Variants in PGGT1B observed in about 807,000 individuals in gnomAD.
PGGT1B encodes protein geranylgeranyltransferase type I subunit beta.
PGGT1B carries 30 observed loss-of-function variants against 46.1 expected under a neutral mutation model. The observed-to-expected ratio is 0.65, with a 90% CI of 0.49 to 0.88. The LOEUF is 0.88. Among genes scored for constraint, PGGT1B ranks in the 40% least tolerant of loss-of-function variants. The probability of loss-of-function intolerance (pLI) is 0.00; values close to 1 mark genes in which losing one functional copy is unlikely to be tolerated. For missense variants in PGGT1B, 376 were observed against 455.9 expected, an observed-to-expected ratio of 0.82 and a Z score of 1.60; for synonymous variants, 170 against 160.0, an observed-to-expected ratio of 1.06 and a Z score of -0.47.
chr5:115,242,552 TC>T (rs903711502), intron 2 of PGGT1B, among the ~76,000 whole-genome samples: 5 of 152,136 alleles, frequency 3.3e-5, no homozygotes, highest in Non-Finnish European at 7.3e-5. Flanking sequence ...CAGCTTCTTA[TC>T]CCCCCAAAAA....
chr5:115,225,723 G>C (rs1161414606), intron 6 of PGGT1B, among the ~76,000 whole-genome samples: 6 of 150,006 alleles, frequency 4.0e-5, no homozygotes, highest in Admixed American at 6.7e-5. Context: ...TCGGCTCACT[G>C]CAACCTCCGC....
Position 115,262,869 on chromosome 5 carries a change from G to T in PGGT1B, c.-18C>A. ...GCCGCCATGCTGCTCCGGAAGCGAC[G>T]TCCGCCGCGACCCGGAATCAGTGCC... On this transcript the variant is annotated 5_prime_UTR_variant, in exon 1 of 9. Coordinates refer to ENST00000419445, the MANE Select transcript of PGGT1B (RefSeq NM_005023.4). The T allele has an allele frequency of 6.2e-7, 1 of 1,610,836 alleles. No individual in the cohort carries two copies. The highest frequency in any genetic ancestry group is 8.5e-7 in the Non-Finnish European group (1 of 1,179,202).
At chr5:115,224,046 T>TAA (rs1233766735) in intron 6 of PGGT1B, among the ~76,000 whole-genome samples, 3 of 152,176 alleles carry the variant, frequency 2.0e-5, no homozygotes, top group Admixed American at 6.5e-5. Context: ...TACTGTCAGT[T>TAA]AAGAACTATT....
At chr5:115,219,917 A>G (rs750417170) in intron 7 of PGGT1B, among the ~76,000 whole-genome samples, 4 of 151,834 alleles carry the variant, frequency 2.6e-5, no homozygotes, top group Non-Finnish European at 5.9e-5. Flanking sequence ...TTATATTAAT[A>G]TATATACATA....
chr5:115,227,165 A>G (rs557049100), intron 6 of PGGT1B, among the ~76,000 whole-genome samples: 1 of 152,284 alleles, frequency 6.6e-6, no homozygotes, highest in East Asian at 1.9e-4. Flanking sequence ...ATTACTGAGC[A>G]AGCACAGGGT....
In PGGT1B at chr5:115,206,927, G is replaced by A. The variant is rs985230989; in HGVS notation, c.*5475C>T. 3 of 151,432 alleles carry A rather than the reference G, an allele frequency of 2.0e-5. No individual in the cohort carries two copies. The highest frequency in any genetic ancestry group is 7.3e-5 in the African/African-American group (3 of 41,274). 9.4% of individuals were successfully genotyped at this position (151,432 alleles called of 1,614,324 possible). A position where few individuals can be genotyped will look rare whatever the true frequency, so the allele number is the denominator to read the frequency against. On this transcript the variant is annotated 3_prime_UTR_variant, in exon 9 of 9. Transcript: ENST00000419445. ...CTCAAATAACAATATAATTTTTATT[G>A]GAATGGCACTGAATTTATAAATGAA...
At chr5:115,258,345 ATC>A (rs963130336) in intron 1 of PGGT1B, among the ~76,000 whole-genome samples, 1 of 152,134 alleles carries the variant, frequency 6.6e-6, no homozygotes, top group African/African-American at 2.4e-5. Flanking sequence ...CTGCCTCAGC[ATC>A]TCTCTCCTGG....
At chr5:115,262,656 C>A in intron 1 of PGGT1B, 56 bp downstream of exon 1, 1 of 1,548,482 alleles carries the variant, frequency 6.5e-7, no homozygotes, top group Non-Finnish European at 8.7e-7. Context: ...CTCCGCCGCG[C>A]CTTTCCGCTG....
At chr5:115,225,958 A>C (rs1387592348) in intron 6 of PGGT1B, among the ~76,000 whole-genome samples, 1 of 151,810 alleles carries the variant, frequency 6.6e-6, no homozygotes, top group Non-Finnish European at 1.5e-5. Flanking sequence ...AAGTGAAGTA[A>C]ATTCAAGGGA....
chr5:115,230,676 G>A (rs187456025), intron 6 of PGGT1B, among the ~76,000 whole-genome samples: 1 of 152,062 alleles, frequency 6.6e-6, no homozygotes, highest in African/African-American at 2.4e-5. Flanking sequence ...AAAACCTGTT[G>A]TTTTCTAATG....
Position 115,210,006 on chromosome 5 carries a change from C to T in PGGT1B, c.*2396G>A, listed in dbSNP as rs898686627. ...GTCCAACAGTTTTCAAATTATATACCACTGTCAGCAAGATTTCTATATGAA... is the reference window on the plus strand; with the variant it reads ...GTCCAACAGTTTTCAAATTATATACTACTGTCAGCAAGATTTCTATATGAA... On this transcript the variant is annotated 3_prime_UTR_variant, in exon 9 of 9. Coordinates refer to ENST00000419445, the MANE Select transcript of PGGT1B (RefSeq NM_005023.4). 2.0e-5 allele frequency: 3 copies of T among 151,922 alleles called. No individual in the cohort carries two copies. Among genetic ancestry groups the T allele is most frequent in the Non-Finnish European group, 4.4e-5 (3 of 67,964 alleles). 9.4% of individuals were successfully genotyped at this position (151,922 alleles called of 1,614,324 possible). A position where few individuals can be genotyped will look rare whatever the true frequency, so the allele number is the denominator to read the frequency against.
chr5:115,245,571 G>A (rs1271146148), intron 2 of PGGT1B, among the ~76,000 whole-genome samples: 2 of 152,160 alleles, frequency 1.3e-5, no homozygotes, highest in Non-Finnish European at 2.9e-5. Flanking sequence ...TAAAGGACAT[G>A]TTTAGATTGT....
At chr5:115,235,636 T>C (rs1487580184) in intron 5 of PGGT1B, among the ~76,000 whole-genome samples, 1 of 152,082 alleles carries the variant, frequency 6.6e-6, no homozygotes, top group Non-Finnish European at 1.5e-5. Context: ...CACCCTCCTA[T>C]CAAACATAAA....
intron 7 of PGGT1B, among the ~76,000 whole-genome samples, chr5:115,219,378 G>A (rs560575100): frequency 8.2e-4 from 124 of 151,892 alleles, no homozygotes; most frequent in Non-Finnish European, 1.3e-3. Context: ...AATGGTGCTA[G>A]GAAAATTAGA....
At chr5:115,259,102 G>T (rs1001243092) in intron 1 of PGGT1B, among the ~76,000 whole-genome samples, 1 of 152,166 alleles carries the variant, frequency 6.6e-6, no homozygotes, top group Non-Finnish European at 1.5e-5. Context: ...TATGCAATCA[G>T]AATCTGCATT....
At chr5:115,237,410 C>T (rs913705562) in intron 4 of PGGT1B, among the ~76,000 whole-genome samples, 5 of 152,128 alleles carry the variant, frequency 3.3e-5, no homozygotes, top group African/African-American at 7.2e-5. Flanking sequence ...AATGAACATA[C>T]GAACTCCTTT....
intron 3 of PGGT1B, among the ~76,000 whole-genome samples, chr5:115,239,165 C>T (rs1757276812): frequency 6.6e-6 from 1 of 152,196 alleles, no homozygotes; most frequent in Non-Finnish European, 1.5e-5. Context: ...GCCTCAGCCT[C>T]CCAGGTAGCC....
chr5:115,208,772 G>T lies in PGGT1B; in HGVS notation c.*3630C>A, dbSNP rs571500554. 13 of 151,946 alleles carry T rather than the reference G, an allele frequency of 8.6e-5. No homozygotes were observed. The highest frequency in any genetic ancestry group is 1.6e-4 in the Non-Finnish European group (11 of 67,912). The allele number at this position is 151,946 out of a possible 1,614,324, so 9.4% of individuals were successfully genotyped here. ...CTTTATTTTGCTTTTTACTCCAAGT[G>T]TTTGGTACTTGGTTAATTTTCCCCT... On this transcript the variant is annotated 3_prime_UTR_variant, in exon 9 of 9. Coordinates refer to ENST00000419445, the MANE Select transcript of PGGT1B (RefSeq NM_005023.4).
intron 2 of PGGT1B, among the ~76,000 whole-genome samples, chr5:115,246,991 G>A (rs2909841): frequency 0.088 from 13,385 of 152,122 alleles, 1,069 homozygotes; most frequent in East Asian, 0.45. Flanking sequence ...TAAGTATGCA[G>A]GAAGTGTGTT....
Sources: allele counts gnomAD v4.1 joint callset (sites outside exome capture counted in the v4.1 genomes callset), GRCh38; gene constraint gnomAD v4.1.1; transcripts MANE v1.5; gene names NCBI Gene and HGNC (gene_info 2026-07-23, HGNC 2026-07-21).